The following CSMD1 variants were observed in gnomAD, a reference collection of about 807,000 sequenced individuals.
CSMD1 encodes CUB and Sushi multiple domains 1.
Under a neutral mutation model 417.5 loss-of-function variants are expected in CSMD1, and 213 were observed. That is an observed-to-expected ratio of 0.51 (90% CI 0.46 to 0.57). The LOEUF (loss-of-function observed/expected upper bound fraction) is 0.57, where lower values mean the gene tolerates loss of function less well. CSMD1 is among the 20% of genes least tolerant of loss of function. The pLI, the probability that CSMD1 is intolerant of heterozygous loss-of-function variation, is 0.00. For missense variants in CSMD1, 6,923 were observed against 4,529.7 expected (o/e 1.53, Z -15.17); for synonymous variants, 2,862 against 1,736.8 (o/e 1.65, Z -16.11).
chr8:4,802,363 G>A (rs2117289455), intron 1 of CSMD1, among the ~76,000 whole-genome samples: 1 of 152,016 alleles, frequency 6.6e-6, no homozygotes, highest in African/African-American at 2.4e-5. Flanking sequence ...GTGTGTGTGT[G>A]TGTGTGTGTG....
intron 51 of CSMD1, among the ~76,000 whole-genome samples, chr8:3,025,026 C>T (rs958203635): frequency 0.019 from 2,328 of 121,616 alleles, 63 homozygotes; most frequent in African/African-American, 0.068. Flanking sequence ...GTGTATTGTG[C>T]GGTGTTATTC....
At chr8:3,221,845 C>A (rs1226783503) in intron 28 of CSMD1, among the ~76,000 whole-genome samples, 1 of 152,040 alleles carries the variant, frequency 6.6e-6, no homozygotes, top group Non-Finnish European at 1.5e-5. Flanking sequence ...GCCCATATGT[C>A]CTTCAGGTCA....
intron 1 of CSMD1, among the ~76,000 whole-genome samples, chr8:4,737,830 T>C (rs940362947): frequency 6.6e-6 from 1 of 152,050 alleles, no homozygotes; most frequent in Non-Finnish European, 1.5e-5. Flanking sequence ...CAGCATATGG[T>C]AGGAAAGGGA....
At chr8:3,800,604 G>C (rs1463668971) in intron 5 of CSMD1, among the ~76,000 whole-genome samples, 1 of 152,160 alleles carries the variant, frequency 6.6e-6, no homozygotes, top group Admixed American at 6.6e-5. Context: ...GATCTCCAAT[G>C]TGTCAGTGTT....
At chr8:4,813,132 C>T (rs548881032) in intron 1 of CSMD1, among the ~76,000 whole-genome samples, 79 of 152,276 alleles carry the variant, frequency 5.2e-4, no homozygotes, top group African/African-American at 1.8e-3. Context: ...ATGTTAAGCT[C>T]TCGCTAAATC....
intron 18 of CSMD1, among the ~76,000 whole-genome samples, chr8:3,386,655 G>A (rs992631392): frequency 2.5e-4 from 38 of 152,322 alleles, no homozygotes; most frequent in African/African-American, 8.9e-4. Context: ...AAGTATTGAA[G>A]ATGTAAATGA....
chr8:4,218,211 C>G (rs905171418), intron 3 of CSMD1, among the ~76,000 whole-genome samples: 34 of 152,142 alleles, frequency 2.2e-4, no homozygotes, highest in Admixed American at 2.6e-4. Context: ...TGGCACTTTG[C>G]TCATTTCATT....
intron 3 of CSMD1, among the ~76,000 whole-genome samples, chr8:4,086,527 C>A (rs1024178499): frequency 6.6e-6 from 1 of 152,148 alleles, no homozygotes; most frequent in African/African-American, 2.4e-5. Flanking sequence ...TGGTCAACTC[C>A]CAATTTGTCA....
chr8:4,634,097 C>G (rs990488784), intron 2 of CSMD1, among the ~76,000 whole-genome samples: 1 of 151,650 alleles, frequency 6.6e-6, no homozygotes, highest in East Asian at 1.9e-4. Flanking sequence ...CCTGTGCTTA[C>G]CAAGAGAGGT....
At chr8:4,959,774 C>A (rs979277124) in intron 1 of CSMD1, among the ~76,000 whole-genome samples, 1 of 152,196 alleles carries the variant, frequency 6.6e-6, no homozygotes, top group Non-Finnish European at 1.5e-5. Flanking sequence ...GACCTTTGTT[C>A]TGACTGTTGC....
intron 1 of CSMD1, among the ~76,000 whole-genome samples, chr8:4,680,960 G>GTT (rs1806005202): frequency 8.7e-6 from 1 of 114,508 alleles, no homozygotes; most frequent in Non-Finnish European, 1.8e-5. Flanking sequence ...ATGTGTGTGT[G>GTT]TGTGTGTGTG....
intron 4 of CSMD1, among the ~76,000 whole-genome samples, chr8:4,022,104 T>C (rs961948846): frequency 7.2e-6 from 1 of 139,644 alleles, no homozygotes; most frequent in Non-Finnish European, 1.5e-5. Flanking sequence ...CACATATATA[T>C]ATGAATGGAT....
At chr8:4,583,656 T>G (rs1398414988) in intron 2 of CSMD1, among the ~76,000 whole-genome samples, 1 of 152,164 alleles carries the variant, frequency 6.6e-6, no homozygotes, top group East Asian at 1.9e-4. Flanking sequence ...CCACACTCTG[T>G]ATCTAACTAA....
chr8:3,540,305 CTCT>C (rs1357264378), intron 10 of CSMD1, among the ~76,000 whole-genome samples: 2 of 152,170 alleles, frequency 1.3e-5, no homozygotes, highest in Admixed American at 6.5e-5. Context: ...TAGGTGATAA[CTCT>C]TCTTAGAAAT....
intron 1 of CSMD1, among the ~76,000 whole-genome samples, chr8:4,738,666 A>G (rs1024113056): frequency 2.6e-5 from 4 of 152,036 alleles, no homozygotes; most frequent in African/African-American, 9.7e-5. Flanking sequence ...TCATTTTTTG[A>G]CAAAGTAAAA....
At chr8:4,334,062 TATGATG>T (rs560964262) in intron 3 of CSMD1, among the ~76,000 whole-genome samples, 1 of 151,466 alleles carries the variant, frequency 6.6e-6, no homozygotes, top group Non-Finnish European at 1.5e-5. Context: ...TTTCATTAAT[TATGATG>T]ATGATGATGA....
In CSMD1 at chr8:3,359,240, G is replaced by T. The variant is rs1056915965; in HGVS notation, c.3216C>A (p.Phe1072Leu). 1.2e-6 allele frequency: 2 copies of T among 1,613,840 alleles called. No homozygotes were observed. Among genetic ancestry groups the T allele is most frequent in the Non-Finnish European group, 1.7e-6 (2 of 1,179,844 alleles). The change falls in exon 21 of 70, where the codon TTC (phenylalanine) becomes TTA (leucine). Residue 1072 changes from phenylalanine to leucine, a missense_variant. Phe to Leu is a conservative substitution (Grantham distance 22). Transcript: ENST00000635120. ...GVGDSLTFSC[F>L]LGYRLEGATK... The stretch of plus-strand genomic sequence containing the variant: ...TGGCACCTTCTAAACGATATCCCAG[G>T]AAGCAGGAAAACGTCAGAGAGTCTC...
intron 1 of CSMD1, among the ~76,000 whole-genome samples, chr8:4,742,435 G>A (rs1193611552): frequency 1.3e-5 from 2 of 151,938 alleles, no homozygotes; most frequent in Non-Finnish European, 2.9e-5. Context: ...TTTTTCTTAT[G>A]ACTAAGATTA....
intron 7 of CSMD1, among the ~76,000 whole-genome samples, chr8:3,707,737 A>T (rs1472153321): frequency 6.6e-6 from 1 of 152,204 alleles, no homozygotes; most frequent in African/African-American, 2.4e-5. Context: ...CTTTCAGCTA[A>T]AGGACAAAGG....
Sources: gnomAD v4.1 joint callset for allele counts (sites outside exome capture counted in the v4.1 genomes callset) on GRCh38, gnomAD v4.1.1 for gene constraint, MANE v1.5 for transcripts, NCBI Gene and HGNC (gene_info 2026-07-23, HGNC 2026-07-21) for gene names.